The following UBXN4 variants were observed in gnomAD, a reference collection of about 807,000 sequenced individuals.
The protein encoded by UBXN4 is UBX domain protein 4.
Under a neutral mutation model 66.2 loss-of-function variants are expected in UBXN4, and 35 were observed. The observed-to-expected ratio is 0.53, with a 90% CI of 0.40 to 0.70. UBXN4 has a LOEUF of 0.70. UBXN4 is among the 30% of genes least tolerant of loss of function. The pLI, the probability that UBXN4 is intolerant of heterozygous loss-of-function variation, is 0.00. For synonymous variants in UBXN4, 203 were observed against 204.5 expected, an observed-to-expected ratio of 0.99 and a Z score of 0.06; for missense variants, 533 against 599.8, an observed-to-expected ratio of 0.89 and a Z score of 1.16.
chr2:135,766,978 AC>A (rs1306645608), intron 6 of UBXN4, among the ~76,000 whole-genome samples: 1 of 151,924 alleles, frequency 6.6e-6, no homozygotes, highest in Non-Finnish European at 1.5e-5. Flanking sequence ...GCTTTGATCT[AC>A]CCCCTCTACT....
chr2:135,744,503 G>GT (rs889380978), intron 1 of UBXN4, among the ~76,000 whole-genome samples: 1 of 152,150 alleles, frequency 6.6e-6, no homozygotes, highest in Non-Finnish European at 1.5e-5. Context: ...TGAAGTAAAG[G>GT]TATCTGTTCA....
intron 1 of UBXN4, among the ~76,000 whole-genome samples, chr2:135,747,015 A>G (rs1354294822): frequency 6.6e-6 from 1 of 152,124 alleles, no homozygotes; most frequent in Non-Finnish European, 1.5e-5. Flanking sequence ...GTGGTAAGAA[A>G]GTTACATTCT....
chr2:135,752,885 T>C (rs1247650865), intron 2 of UBXN4, among the ~76,000 whole-genome samples: 1 of 151,690 alleles, frequency 6.6e-6, no homozygotes, highest in African/African-American at 2.4e-5. Context: ...CACGCCGAGC[T>C]AATTTTTGCA....
intron 6 of UBXN4, among the ~76,000 whole-genome samples, chr2:135,766,349 C>T (rs910478122): frequency 2.6e-5 from 4 of 152,092 alleles, no homozygotes; most frequent in Admixed American, 2.6e-4. Flanking sequence ...GATACAAGCA[C>T]GATACCATTA....
At chr2:135,745,958 A>C (rs1575312609) in intron 1 of UBXN4, among the ~76,000 whole-genome samples, 1 of 132,384 alleles carries the variant, frequency 7.6e-6, no homozygotes, top group Admixed American at 9.0e-5. Context: ...GCTCACTACA[A>C]CCTCCACTTC....
intron 1 of UBXN4, among the ~76,000 whole-genome samples, chr2:135,743,847 C>T (rs2077191943): frequency 7.8e-6 from 1 of 128,522 alleles, no homozygotes; most frequent in South Asian, 2.3e-4. Context: ...ATAGGTCTTG[C>T]CTTTCGGGGT....
At chr2:135,781,154 G>A (rs1375494575) in intron 12 of UBXN4, among the ~76,000 whole-genome samples, 1 of 152,366 alleles carries the variant, frequency 6.6e-6, no homozygotes, top group East Asian at 1.9e-4. Context: ...GGGAGATTGA[G>A]GCTGCAGTGA....
chr2:135,747,172 C>T (rs1320175329), intron 1 of UBXN4, among the ~76,000 whole-genome samples: 2 of 130,920 alleles, frequency 1.5e-5, no homozygotes, highest in East Asian at 2.3e-4. Context: ...ATAGTGAAAC[C>T]CCATCTCTAC....
intron 4 of UBXN4, 52 bp from the exon 5 acceptor site, chr2:135,755,465 G>A: frequency 1.4e-6 from 2 of 1,407,064 alleles, no homozygotes; most frequent in Non-Finnish European, 9.4e-7. Flanking sequence ...TACTGCCATG[G>A]TAAGTTTAGA....
chr2:135,748,499 G>A (rs2077223087), intron 2 of UBXN4, 130 bp downstream of exon 2: 1 of 562,374 alleles, frequency 1.8e-6, no homozygotes. Context: ...GGAGACTGAG[G>A]TGGGAGGATC....
rs549505207 is a variant in UBXN4 at position 135,759,698 on chromosome 2, A to G, written c.509-2120A>G. ...TTAAGCCTAAAGGCGGAACTTCTCA[A>G]TACATTTTTATTATATTTGGATTTT... On this transcript the variant is annotated intron_variant, in intron 5 of 12. Coordinates refer to ENST00000272638, the MANE Select transcript of UBXN4 (RefSeq NM_014607.4). Among the ~76,000 whole-genome samples, 6 of 151,976 alleles carry G rather than the reference A, an allele frequency of 3.9e-5. No homozygotes were observed. The South Asian group carries it at 6.2e-4, about 16-fold the overall frequency.
intron 12 of UBXN4, among the ~76,000 whole-genome samples, chr2:135,781,222 C>G (rs1452761425): frequency 6.6e-6 from 1 of 152,146 alleles, no homozygotes; most frequent in Non-Finnish European, 1.5e-5. Flanking sequence ...GAGATCCTGT[C>G]TCAAAACAAA....
intron 5 of UBXN4, among the ~76,000 whole-genome samples, chr2:135,759,766 A>ATTTTTTTTTT (rs10660396): frequency 7.5e-5 from 7 of 93,444 alleles, no homozygotes; most frequent in Non-Finnish European, 1.0e-4. Flanking sequence ...TCAATCCAGA[A>ATTTTTTTTTT]TTTTTTTTTT....
chr2:135,744,068 G>T (rs561895679), intron 1 of UBXN4, among the ~76,000 whole-genome samples: 1 of 152,272 alleles, frequency 6.6e-6, no homozygotes, highest in African/African-American at 2.4e-5. Flanking sequence ...TAGGATTAGT[G>T]TCACTCTAGG....
intron 12 of UBXN4, among the ~76,000 whole-genome samples, chr2:135,782,329 A>G (rs1203182311): frequency 1.3e-5 from 2 of 152,214 alleles, no homozygotes; most frequent in African/African-American, 2.4e-5. Context: ...AGATTTTGCG[A>G]AGGATTTAAA....
rs1175945174 is a variant in UBXN4, at chr2:135,755,651, G to T, written c.468G>T (p.Glu156Asp). Reference sequence around the variant, plus strand: ...AGTCCAGAAATGCAGAGCTTTGTGAGATACCACCCACTTCTGATACAAAGT... The same window carrying T: ...AGTCCAGAAATGCAGAGCTTTGTGATATACCACCCACTTCTGATACAAAGT... ...NSQSRNAELC[E>D]IPPTSDTKSD... Residue 156 changes from glutamate to aspartate, a missense_variant, in exon 5 of 13, where the codon GAG (glutamate) becomes GAT (aspartate). Glu to Asp is a conservative substitution (Grantham distance 45). This residue lies in a region of UBXN4 where 529 missense variants were observed against 580.1 expected (regional missense o/e 0.91). Transcript: ENST00000272638. 6.3e-7 allele frequency: 1 copy of T among 1,593,420 alleles called. No homozygotes were observed. The highest frequency in any genetic ancestry group is 8.5e-7 in the Non-Finnish European group (1 of 1,169,592).
At chr2:135,747,570 A>C (rs984840326) in intron 1 of UBXN4, 1 of 456,100 alleles carries the variant, frequency 2.2e-6, no homozygotes, top group Admixed American at 2.4e-5. Context: ...TTTGGAGTAT[A>C]AATGCTGTGG....
At chr2:135,747,547 A>G (rs952024255) in intron 1 of UBXN4, 7 of 452,740 alleles carry the variant, frequency 1.5e-5, no homozygotes, top group African/African-American at 4.0e-5. Context: ...GCCTCTGTCT[A>G]CCTTGGATTA....
At position 135,783,459 on chromosome 2, in the gene UBXN4, G is replaced by C. The variant is rs2077462489; in HGVS notation, c.*572G>C. ...TTTTGTTATCTAGCATCTTTTTGTT[G>C]CACAGGGCTCTATTGAGGTCCTATG... On this transcript the variant is annotated 3_prime_UTR_variant, in exon 13 of 13. Coordinates refer to ENST00000272638, the MANE Select transcript of UBXN4 (RefSeq NM_014607.4). 1 of 150,902 alleles carries C rather than the reference G, an allele frequency of 6.6e-6. No homozygotes were observed. Among genetic ancestry groups the C allele is most frequent in the Admixed American group, 6.6e-5 (1 of 15,042 alleles). 9.3% of individuals were successfully genotyped at this position (150,902 alleles called of 1,614,324 possible).
Sources: gnomAD v4.1 joint callset for allele counts (sites outside exome capture counted in the v4.1 genomes callset) on GRCh38, gnomAD v4.1.1 for gene constraint, gnomAD v4.1.1 regional missense constraint, MANE v1.5 for transcripts, NCBI Gene and HGNC (gene_info 2026-07-23, HGNC 2026-07-21) for gene names.